The following MALAT1 variants were observed in gnomAD, a reference collection of about 807,000 sequenced individuals.
MALAT1 encodes the protein metastasis associated lung adenocarcinoma transcript 1, also known as hepcarcin.
In MALAT1 at chr11:65,498,197, C is replaced by T. The variant is rs376439419; in HGVS notation, n.178+332C>T. 31 of 518,948 alleles carry T rather than the reference C, an allele frequency of 6.0e-5. No homozygotes were observed. In the East Asian group the frequency reaches 1.0e-3, roughly 17 times the overall value. The allele number at this position is 518,948 out of a possible 1,614,324, so 32.1% of individuals were successfully genotyped here. ...TGGCTGCCCAAGGTCTCTGTGTCTTCGGAGACAAAGCCATTCGCTTAGTTG... is the reference window on the plus strand; with the variant it reads ...TGGCTGCCCAAGGTCTCTGTGTCTTTGGAGACAAAGCCATTCGCTTAGTTG... On this transcript the variant is annotated intron_variant and non_coding_transcript_variant, in intron 1 of 3. Coordinates refer to ENST00000619449, the Ensembl canonical transcript of MALAT1.
At chr11:65,501,952 GAACTT>G (rs774171303) in exon 3 of MALAT1, 2 of 517,240 alleles carry the variant, frequency 3.9e-6, no homozygotes, top group East Asian at 1.1e-4. Context: ...TCATGCCAGA[GAACTT>G]AAAGTCTTAG....
intron 1 of MALAT1, chr11:65,498,300 T>G: frequency 1.9e-6 from 1 of 518,282 alleles, no homozygotes; most frequent in Non-Finnish European, 3.9e-6. Context: ...GCCTGGAAGC[T>G]GAAAAACGGT....
In MALAT1 at chr11:65,501,162, C is replaced by T. The variant is rs535387044; in HGVS notation, n.2425C>T. On this transcript the variant is annotated non_coding_transcript_exon_variant, in exon 3 of 4. Coordinates refer to ENST00000619449, the Ensembl canonical transcript of MALAT1. ...GATGACCTGTTTTTACTTCCTCACCCTGAATTCGTTTTGTAAATGTAGAGT... is the reference window on the plus strand; with the variant it reads ...GATGACCTGTTTTTACTTCCTCACCTTGAATTCGTTTTGTAAATGTAGAGT... 15 of 499,940 alleles carry T rather than the reference C, an allele frequency of 3.0e-5. No individual in the cohort carries two copies. The East Asian group carries it at 7.9e-4, about 26-fold the overall frequency. The allele number at this position is 499,940 out of a possible 1,614,324, so 31.0% of individuals were successfully genotyped here.
At chr11:65,501,632 T>G (rs1340297567) in exon 3 of MALAT1, 1 of 518,772 alleles carries the variant, frequency 1.9e-6, no homozygotes, top group Non-Finnish European at 3.8e-6. Context: ...AGAGAAGGAG[T>G]GTACCGCTGT....
exon 3 of MALAT1, chr11:65,500,783 G>T (rs1373142321): frequency 1.9e-6 from 1 of 518,820 alleles, no homozygotes; most frequent in Non-Finnish European, 3.8e-6. Flanking sequence ...CGTGAGGTCG[G>T]CAATATGTTG....
chr11:65,504,687 A>G (rs1303720281), intron 3 of MALAT1: 1 of 518,888 alleles, frequency 1.9e-6, no homozygotes, highest in African/African-American at 1.9e-5. Context: ...GACAAGAAAC[A>G]TTCCAAACAA....
exon 3 of MALAT1, chr11:65,503,834 T>C (rs1305920359): frequency 3.9e-6 from 2 of 517,632 alleles, no homozygotes; most frequent in Non-Finnish European, 7.7e-6. Context: ...CATAAAGTGA[T>C]GAGCATATAA....
intron 3 of MALAT1, chr11:65,505,392 CTT>C (rs1565057267): frequency 5.8e-6 from 3 of 516,426 alleles, no homozygotes; most frequent in African/African-American, 3.9e-5. Context: ...CTGGGCTTCT[CTT>C]AACATTTAAG....
chr11:65,498,761 T>G (rs1329829244), intron 2 of MALAT1: 1 of 518,844 alleles, frequency 1.9e-6, no homozygotes, highest in African/African-American at 1.9e-5. Context: ...GGGGGTTTTG[T>G]GAGGTGTTTG....
exon 3 of MALAT1, chr11:65,501,427 A>G: frequency 1.9e-6 from 1 of 516,916 alleles, no homozygotes; most frequent in Non-Finnish European, 3.9e-6. Context: ...TGTCCATTGG[A>G]GAAATGGCTG....
chr11:65,504,759 A>AT (rs1854640734), intron 3 of MALAT1: 1 of 518,928 alleles, frequency 1.9e-6, no homozygotes, highest in African/African-American at 1.9e-5. Flanking sequence ...AGTGATCTTT[A>AT]GTGCATTGTT....
chr11:65,503,965 G>A (rs776977864), intron 3 of MALAT1: 1 of 515,802 alleles, frequency 1.9e-6, no homozygotes, highest in Non-Finnish European at 3.9e-6. Context: ...AAAGTCAGGG[G>A]TCTATAAATT....
intron 1 of MALAT1, chr11:65,498,027 G>A: frequency 1.9e-6 from 1 of 518,996 alleles, no homozygotes; most frequent in South Asian, 1.4e-5. Context: ...TTGGGGTTTG[G>A]AGGAAAGCTT....
intron 1 of MALAT1, chr11:65,497,993 CCACT>C (rs762057589): frequency 3.9e-5 from 20 of 518,822 alleles, no homozygotes; most frequent in Non-Finnish European, 6.5e-5. Flanking sequence ...TTAGATAAAA[CCACT>C]CAAACTCTGC....
At chr11:65,498,506 C>G (rs529795519) in intron 1 of MALAT1, 1 of 516,524 alleles carries the variant, frequency 1.9e-6, no homozygotes, top group African/African-American at 1.9e-5. Context: ...GCTCCGATTT[C>G]TCGAACAAAA....
chr11:65,500,350 G>T (rs1565051368), exon 3 of MALAT1: 6 of 518,598 alleles, frequency 1.2e-5, no homozygotes, highest in African/African-American at 1.2e-4. Flanking sequence ...TTTGAGTTAA[G>T]ATTATTTTTT....
exon 3 of MALAT1, chr11:65,500,304 A>G (rs1407657659): frequency 1.9e-6 from 1 of 518,890 alleles, no homozygotes; most frequent in Non-Finnish European, 3.8e-6. Context: ...ATTCAAGATC[A>G]AGAGTAATTA....
chr11:65,498,662 C>G (rs1024831699), intron 1 of MALAT1: 1 of 518,242 alleles, frequency 1.9e-6, no homozygotes, highest in Admixed American at 1.9e-5. Context: ...AACTATCACA[C>G]TTTAATCTTC....
At chr11:65,504,245 CT>C (rs1403702566) in intron 3 of MALAT1, 1 of 515,460 alleles carries the variant, frequency 1.9e-6, no homozygotes, top group Non-Finnish European at 3.9e-6. Flanking sequence ...TATCAGCATA[CT>C]CAAAATTTTT....
Sources: gnomAD v4.1 joint callset for allele counts on GRCh38, gnomAD v4.1.1 for gene constraint, MANE v1.5 for transcripts, NCBI Gene and HGNC (gene_info 2026-07-23, HGNC 2026-07-21) for gene names.